Variants in SYCE2 observed in about 807,000 individuals in gnomAD.
SYCE2 encodes the protein central element synaptonemal complex 1.
Under a neutral mutation model 27.9 loss-of-function variants are expected in SYCE2, and 3 were observed. The observed-to-expected ratio is 0.11, with a 90% CI of 0.05 to 0.28. The LOEUF (loss-of-function observed/expected upper bound fraction) is 0.28. Among genes scored for constraint, SYCE2 ranks in the 10% least tolerant of loss-of-function variants. The pLI, the probability that SYCE2 is intolerant of heterozygous loss-of-function variation, is 1.00. For synonymous variants in SYCE2, 85 were observed against 100.7 expected (o/e 0.84, Z 0.93); for missense variants, 207 against 263.5 (o/e 0.79, Z 1.48).
chr19:12,907,200 C>T (rs752809074), intron 2 of SYCE2, among the ~76,000 whole-genome samples: 4 of 152,126 alleles, frequency 2.6e-5, no homozygotes, highest in Non-Finnish European at 5.9e-5. Flanking sequence ...CGACCACACT[C>T]GGGTCATCTG....
rs535182113 is a variant in SYCE2, at chr19:12,905,339, C to CT, written c.132-674dup. On this transcript the variant is annotated intron_variant, in intron 2 of 5. Transcript: ENST00000293695. Reference sequence around the variant, plus strand: ...CAATAATAGTGTCAATGCTTTCTTTCTTTTTTTTTTGAGACGGAGTCTCAC... The same window carrying CT: ...CAATAATAGTGTCAATGCTTTCTTTCTTTTTTTTTTTGAGACGGAGTCTCAC... Among the ~76,000 whole-genome samples, 430 of 149,722 alleles carry CT rather than the reference C, an allele frequency of 2.9e-3. 8 individuals carry two copies. In the South Asian group the frequency reaches 0.06, roughly 21 times the overall value.
At position 12,919,268 on chromosome 19, in the gene SYCE2, C is replaced by A. The variant is rs1568441141; in HGVS notation, c.-11G>T. The stretch of plus-strand genomic sequence containing the variant: ...TCCCTGTCGCTCCATTCCGTATTTT[C>A]CCGCCTTCAAGCTCGCACCCTCTGC... On this transcript the variant is annotated 5_prime_UTR_variant, in exon 1 of 6. Coordinates refer to ENST00000293695, the MANE Select transcript of SYCE2 (RefSeq NM_001105578.2). 6.2e-7 allele frequency: 1 copy of A among 1,610,578 alleles called. No homozygotes were observed. The highest frequency in any genetic ancestry group is 8.5e-7 in the Non-Finnish European group (1 of 1,179,972).
intron 4 of SYCE2, 47 bp downstream of exon 4, chr19:12,900,413 C>T (rs1202042172): frequency 6.3e-7 from 1 of 1,591,100 alleles, no homozygotes; most frequent in East Asian, 2.2e-5. Context: ...CTGGGCCATC[C>T]CTGTCCTCTT....
rs1405145355 is a variant in SYCE2, at chr19:12,900,073, G to A, written c.543C>T (p.Ser181=). 1 of 1,613,500 alleles carries A rather than the reference G, an allele frequency of 6.2e-7. No homozygotes were observed. The highest frequency in any genetic ancestry group is 8.5e-7 in the Non-Finnish European group (1 of 1,179,970). The change falls in exon 5 of 6, where the codon TCC becomes TCT. Residue 181 remains serine (S), a synonymous_variant. Transcript: ENST00000293695. ...GCTGTGAGTTGCCGGGACGTGGTGG[G>A]GACTTTCCCCTAGAGTGGTCTGGCC... is the stretch of plus-strand genomic sequence containing the variant. ...RWGPDHSRGK[S]PPRPGNSQPP... is the part of the protein sequence containing the mutation.
At chr19:12,908,039 G>C (rs1169579744) in intron 2 of SYCE2, among the ~76,000 whole-genome samples, 1 of 151,890 alleles carries the variant, frequency 6.6e-6, no homozygotes, top group Admixed American at 6.6e-5. Flanking sequence ...TTGAGCCCGG[G>C]AGGTCAAGGC....
intron 2 of SYCE2, among the ~76,000 whole-genome samples, chr19:12,912,655 C>T (rs935040922): frequency 8.5e-5 from 13 of 152,078 alleles, no homozygotes; most frequent in Admixed American, 3.3e-4. Context: ...ATGAGAGCAC[C>T]AGGTGTTTCT....
Position 12,917,659 on chromosome 19 carries a change from C to CTTTTTTTTTTTTTTTTTT in SYCE2, c.131+562_131+563insAAAAAAAAAAAAAAAAAA, listed in dbSNP as rs71168635. The stretch of plus-strand genomic sequence containing the variant: ...TACAGGCATAAGCCACCATTCCTGG[C>CTTTTTTTTTTTTTTTTTT]TTTTTTTTTTTTTTTTTGAGACAGC... On this transcript the variant is annotated intron_variant, in intron 2 of 5. Coordinates refer to ENST00000293695, the MANE Select transcript of SYCE2 (RefSeq NM_001105578.2). Among the ~76,000 whole-genome samples, 6 of 79,406 alleles carry CTTTTTTTTTTTTTTTTTT rather than the reference C, an allele frequency of 7.6e-5. 1 individual carries two copies. The highest frequency in any genetic ancestry group is 1.6e-4 in the Admixed American group (1 of 6,292). The allele number at this position is 79,406 out of a possible 152,430, so 52.1% of individuals were successfully genotyped here. A position where few individuals can be genotyped will look rare whatever the true frequency, so the allele number is the denominator to read the frequency against.
intron 1 of SYCE2, among the ~76,000 whole-genome samples, 182 bp from the exon 2 acceptor site, chr19:12,918,519 C>T (rs531900111): frequency 3.3e-5 from 5 of 152,186 alleles, no homozygotes; most frequent in Non-Finnish European, 7.4e-5. Flanking sequence ...TGAAAGGACA[C>T]TCTGTCCCTA....
intron 2 of SYCE2, among the ~76,000 whole-genome samples, chr19:12,906,888 C>T (rs1970943649): frequency 2.0e-5 from 3 of 151,742 alleles, no homozygotes; most frequent in South Asian, 4.2e-4. Flanking sequence ...AAGACTTCGT[C>T]TCAAAAATAA....
intron 2 of SYCE2, among the ~76,000 whole-genome samples, chr19:12,912,861 T>G (rs1385983207): frequency 6.6e-6 from 1 of 152,206 alleles, no homozygotes; most frequent in East Asian, 1.9e-4. Flanking sequence ...TGCTGAGAGC[T>G]TCTTTATTTT....
rs1033678334 is a variant in SYCE2, at chr19:12,918,250, C to T, written c.103G>A (p.Glu35Lys). The part of the protein sequence containing the change: ...KEHPRWEENC[E>K]EEAGGGPASA... Reference sequence around the variant, plus strand: ...GCTGGCCCTCCACCAGCTTCCTCCTCGCAGTTCTCTTCCCACCGCGGATGC... The same window carrying T: ...GCTGGCCCTCCACCAGCTTCCTCCTTGCAGTTCTCTTCCCACCGCGGATGC... Residue 35 changes from glutamate to lysine, a missense_variant, in exon 2 of 6, where the codon GAG (glutamate) becomes AAG (lysine). Physicochemically the swap from Glu to Lys is moderately conservative, Grantham distance 56. Transcript: ENST00000293695. 1.9e-6 allele frequency: 3 copies of T among 1,614,076 alleles called. No homozygotes were observed. The highest frequency in any genetic ancestry group is 1.7e-6 in the Non-Finnish European group (2 of 1,180,024).
chr19:12,909,930 G>A (rs139965548), intron 2 of SYCE2, among the ~76,000 whole-genome samples: 2,028 of 151,622 alleles, frequency 0.013, 30 homozygotes, highest in Non-Finnish European at 0.022. Context: ...GCAGTGGAGC[G>A]ATCTCAGGTC....
intron 2 of SYCE2, among the ~76,000 whole-genome samples, chr19:12,917,338 G>A (rs937800045): frequency 6.6e-6 from 1 of 152,094 alleles, no homozygotes; most frequent in Non-Finnish European, 1.5e-5. Flanking sequence ...ACAGGCGTAA[G>A]CCACCGTGCC....
At chr19:12,916,310 C>T (rs1196272281) in intron 2 of SYCE2, among the ~76,000 whole-genome samples, 1 of 151,998 alleles carries the variant, frequency 6.6e-6, no homozygotes, top group East Asian at 1.9e-4. Context: ...ACCTCGTGAT[C>T]CGCCTGCCTC....
chr19:12,909,499 C>T (rs927502126), intron 2 of SYCE2, among the ~76,000 whole-genome samples: 1 of 152,190 alleles, frequency 6.6e-6, no homozygotes, highest in East Asian at 1.9e-4. Context: ...TCCAGCTTCT[C>T]TCTGTCCCTC....
intron 2 of SYCE2, among the ~76,000 whole-genome samples, chr19:12,916,268 A>G (rs1971137096): frequency 6.6e-6 from 1 of 152,070 alleles, no homozygotes; most frequent in Admixed American, 6.6e-5. Flanking sequence ...ACAGGGTTTC[A>G]CTATGTTGGC....
chr19:12,917,658 G>GTTTTTTTTT (rs1568440332), intron 2 of SYCE2, among the ~76,000 whole-genome samples: 3 of 33,978 alleles, frequency 8.8e-5, no homozygotes, highest in African/African-American at 4.3e-4. Flanking sequence ...ACCATTCCTG[G>GTTTTTTTTT]CTTTTTTTTT....
At chr19:12,900,671 C>G (rs1264848783) in intron 3 of SYCE2, 23 bp from the exon 4 acceptor site, 1 of 1,597,668 alleles carries the variant, frequency 6.3e-7, no homozygotes, top group Middle Eastern at 2.0e-4. Flanking sequence ...AAGATGTGTT[C>G]TCGGAAAATC....
chr19:12,899,145 C>T lies in SYCE2; in HGVS notation c.*196G>A. On this transcript the variant is annotated 3_prime_UTR_variant, in exon 6 of 6. Coordinates refer to ENST00000293695, the MANE Select transcript of SYCE2 (RefSeq NM_001105578.2). ...GGGAGAACTTGCCAAGGGTGGGGAG[C>T]ACGAAGCCTGGGCCTATGGCAGGGG... 1 of 598,802 alleles carries T rather than the reference C, an allele frequency of 1.7e-6. No individual in the cohort carries two copies. Among genetic ancestry groups the T allele is most frequent in the South Asian group, 2.0e-5 (1 of 49,570 alleles). 37.1% of individuals were successfully genotyped at this position (598,802 alleles called of 1,614,324 possible).
Sources: gnomAD v4.1 joint callset for allele counts (sites outside exome capture counted in the v4.1 genomes callset) on GRCh38, gnomAD v4.1.1 for gene constraint, MANE v1.5 for transcripts, NCBI Gene and HGNC (gene_info 2026-07-23, HGNC 2026-07-21) for gene names.